GRAP2: variants seen among roughly 807,000 people sequenced by gnomAD.
GRAP2 encodes the protein GRB2-related adapter protein 2.
In GRAP2, 31 loss-of-function variants were observed where a neutral mutation model predicts 43.5. That is an observed-to-expected ratio of 0.71 (90% CI 0.54 to 0.96). GRAP2 has a LOEUF of 0.96. Among genes scored for constraint, GRAP2 ranks in the 40% least tolerant of loss-of-function variants. The probability of loss-of-function intolerance (pLI) is 0.00; values close to 1 mark genes in which losing one functional copy is unlikely to be tolerated. For synonymous variants in GRAP2, 156 were observed against 164.8 expected (o/e 0.95, Z 0.41); for missense variants, 371 against 424.4 (o/e 0.87, Z 1.11).
intron 2 of GRAP2, among the ~76,000 whole-genome samples, chr22:39,949,001 CTCTGTGCCAAAGACCCTCAAGTCTGT>C (rs2066953740): frequency 6.6e-6 from 1 of 152,192 alleles, no homozygotes; most frequent in Admixed American, 6.5e-5. Context: ...CAACTATCAC[CTCTGTGCCAAAGACCCTCAAGTCTGT>C]GGCTCGTGTT....
chr22:39,915,712 A>G (rs1316279293), intron 1 of GRAP2, among the ~76,000 whole-genome samples: 1 of 152,238 alleles, frequency 6.6e-6, no homozygotes, highest in African/African-American at 2.4e-5. Flanking sequence ...CAAATGTAAT[A>G]ACGTGTATCA....
At chr22:39,967,482 C>T (rs1309251085) in intron 5 of GRAP2, among the ~76,000 whole-genome samples, 7 of 152,274 alleles carry the variant, frequency 4.6e-5, no homozygotes, top group South Asian at 2.1e-4. Flanking sequence ...ACTAACAATA[C>T]GGTATTTCTG....
In GRAP2 at chr22:39,971,197, G is replaced by A; in HGVS notation, c.*113G>A. 2 of 765,124 alleles carry A rather than the reference G, an allele frequency of 2.6e-6. No individual in the cohort carries two copies. Among genetic ancestry groups the A allele is most frequent in the South Asian group, 1.8e-5 (1 of 54,230 alleles). The allele number at this position is 765,124 out of a possible 1,614,324, so 47.4% of individuals were successfully genotyped here. On this transcript the variant is annotated 3_prime_UTR_variant, in exon 8 of 8. Coordinates refer to ENST00000344138, the MANE Select transcript of GRAP2 (RefSeq NM_004810.4). The stretch of plus-strand genomic sequence containing the variant: ...CATACATCTATCTACATCTGCCTGT[G>A]TACACACACAACTTTTTATACTAGT...
At chr22:39,900,124 C>T (rs1335841193), upstream of GRAP2, among the ~76,000 whole-genome samples, 1 of 152,022 alleles carries the variant, frequency 6.6e-6, no homozygotes, top group Admixed American at 6.6e-5. Context: ...CAATTATAAC[C>T]AAGGAAAAGG....
At chr22:39,901,356 A>G (rs942451894) in intron 1 of GRAP2, 26 bp downstream of exon 1, 2 of 805,016 alleles carry the variant, frequency 2.5e-6, no homozygotes, top group African/African-American at 1.8e-5. Context: ...ACATCTGTAC[A>G]TATACTCTAG....
intron 2 of GRAP2, among the ~76,000 whole-genome samples, chr22:39,955,132 G>A (rs1219697486): frequency 1.3e-5 from 2 of 152,156 alleles, no homozygotes; most frequent in Non-Finnish European, 2.9e-5. Context: ...GCCAAGGCAG[G>A]TGGATCACTA....
intron 1 of GRAP2, among the ~76,000 whole-genome samples, chr22:39,930,303 A>G (rs1256866323): frequency 6.6e-6 from 1 of 152,132 alleles, no homozygotes; most frequent in Non-Finnish European, 1.5e-5. Flanking sequence ...AAGACAAGGG[A>G]GAATACTGTT....
intron 1 of GRAP2, among the ~76,000 whole-genome samples, chr22:39,932,548 CAAA>C (rs137982): frequency 9.2e-5 from 4 of 43,406 alleles, no homozygotes; most frequent in African/African-American, 2.3e-4. Flanking sequence ...CCTGTCTCTA[CAAA>C]AAAAAAAAAA....
intron 1 of GRAP2, among the ~76,000 whole-genome samples, chr22:39,922,341 G>T (rs2066660098): frequency 6.6e-6 from 1 of 152,194 alleles, no homozygotes; most frequent in Admixed American, 6.5e-5. Context: ...CCATATTAAA[G>T]GATGGCAAGA....
At chr22:39,933,973 A>G (rs1182447774) in intron 1 of GRAP2, among the ~76,000 whole-genome samples, 1 of 152,214 alleles carries the variant, frequency 6.6e-6, no homozygotes. Context: ...CAGCTGCCTC[A>G]CAAAAGGAAA....
rs534588498 is a variant in GRAP2, at chr22:39,964,751, C to G, written c.291-1239C>G. ...AAAAAAAAATCTTCCAGTGGCTCAT[C>G]ATCTCTTTAGTTGTTTTCACTAAGT... On this transcript the variant is annotated intron_variant, in intron 4 of 7. Transcript: ENST00000344138. 11 of 484,828 alleles carry G rather than the reference C, an allele frequency of 2.3e-5. No homozygotes were observed. In the South Asian group the frequency reaches 3.9e-4, roughly 17 times the overall value. 30.0% of individuals were successfully genotyped at this position (484,828 alleles called of 1,614,324 possible).
chr22:39,915,890 C>A (rs565540244), intron 1 of GRAP2, among the ~76,000 whole-genome samples: 6 of 152,282 alleles, frequency 3.9e-5, no homozygotes, highest in African/African-American at 1.4e-4. Context: ...CTTCCATCAA[C>A]AAGCTAGGGG....
intron 5 of GRAP2, among the ~76,000 whole-genome samples, chr22:39,967,324 G>A (rs2067184862): frequency 6.6e-6 from 1 of 152,200 alleles, no homozygotes; most frequent in South Asian, 2.1e-4. Context: ...GAAACGGACA[G>A]AGGTATTAAC....
At chr22:39,948,550 C>T (rs113937044) in intron 2 of GRAP2, 2 of 151,912 alleles carry the variant, frequency 1.3e-5, no homozygotes, top group African/African-American at 4.8e-5. Flanking sequence ...CTTTGCTCAA[C>T]TCTGCTTCCC....
At chr22:39,932,791 A>G (rs1278330303) in intron 1 of GRAP2, among the ~76,000 whole-genome samples, 2 of 152,170 alleles carry the variant, frequency 1.3e-5, no homozygotes, top group African/African-American at 2.4e-5. Context: ...CAGACACCAT[A>G]CTAAGTGGAT....
Position 39,921,359 on chromosome 22 carries a change from T to C in GRAP2, c.-15+20029T>C, listed in dbSNP as rs554019800. On this transcript the variant is annotated intron_variant, in intron 1 of 7. Coordinates refer to ENST00000344138, the MANE Select transcript of GRAP2 (RefSeq NM_004810.4). ...GCATGGGTTCATTATGAAAATTAGA[T>C]TGATTGATGACATAATACATAGCAA... Among the ~76,000 whole-genome samples the C allele has an allele frequency of 1.8e-3, 277 of 152,342 alleles. 2 individuals are homozygous for C. Among genetic ancestry groups the C allele is most frequent in the Middle Eastern group, 0.014 (4 of 294 alleles).
At chr22:39,915,575 C>T (rs1157727835) in intron 1 of GRAP2, among the ~76,000 whole-genome samples, 3 of 152,162 alleles carry the variant, frequency 2.0e-5, no homozygotes, top group Non-Finnish European at 4.4e-5. Context: ...GCTTCTAACA[C>T]AATAAGACTG....
intron 2 of GRAP2, among the ~76,000 whole-genome samples, chr22:39,955,046 A>T (rs1285270912): frequency 6.6e-6 from 1 of 152,252 alleles, no homozygotes; most frequent in Admixed American, 6.5e-5. Context: ...CCTGTTTAAA[A>T]AACAATAACA....
intron 3 of GRAP2, among the ~76,000 whole-genome samples, chr22:39,957,524 CCT>C (rs1382215093): frequency 3.9e-5 from 6 of 152,202 alleles, no homozygotes; most frequent in South Asian, 2.1e-4. Context: ...CAGAAATTCT[CCT>C]CTCTCTCTCT....
Sources: allele counts gnomAD v4.1 joint callset (sites outside exome capture counted in the v4.1 genomes callset), GRCh38; gene constraint gnomAD v4.1.1; transcripts MANE v1.5; gene names NCBI Gene and HGNC (gene_info 2026-07-23, HGNC 2026-07-21).